The following TCEA1 variants were observed in gnomAD, a reference collection of about 807,000 sequenced individuals.
TCEA1 encodes the protein transcription elongation factor A1.
TCEA1 carries 21 observed loss-of-function variants against 43.8 expected under a neutral mutation model. The ratio of observed to expected loss-of-function variants is 0.48; its 90% confidence interval spans 0.34 to 0.69. The LOEUF (loss-of-function observed/expected upper bound fraction) is 0.69, where lower values mean the gene tolerates loss of function less well. TCEA1 is among the 30% of genes least tolerant of loss of function. TCEA1 has a pLI of 0.01. For missense variants in TCEA1, 250 were observed against 365.1 expected (o/e 0.68, Z 2.57); for synonymous variants, 104 against 117.5 (o/e 0.88, Z 0.75).
At position 53,979,124 on chromosome 8, in the gene TCEA1, T is replaced by C. The variant is rs757344506; in HGVS notation, c.726A>G (p.Lys242=). Residue 242 remains lysine, a synonymous_variant, in exon 8 of 10, where the codon AAA becomes AAG. Transcript: ENST00000521604. ...ELKEMRKNLT[K]EAIREHQMAK... ...CCATCTGATGCTCTCTGATGGCTTCTTTGGTCAAGTTTTTCCGCATCTCTT... is the reference window on the plus strand; with the variant it reads ...CCATCTGATGCTCTCTGATGGCTTCCTTGGTCAAGTTTTTCCGCATCTCTT... The C allele has an allele frequency of 1.7e-5, 28 of 1,613,752 alleles. No homozygotes were observed. The African/African-American group carries it at 3.1e-4, about 18-fold the overall frequency.
intron 8 of TCEA1, among the ~76,000 whole-genome samples, chr8:53,975,440 C>T (rs1207939105): frequency 6.6e-6 from 1 of 152,126 alleles, no homozygotes; most frequent in Non-Finnish European, 1.5e-5. Context: ...TATCTGTACA[C>T]TTAAGTTCAC....
chr8:54,021,240 A>G (rs1395514648), intron 1 of TCEA1, among the ~76,000 whole-genome samples: 1 of 152,218 alleles, frequency 6.6e-6, no homozygotes, highest in East Asian at 1.9e-4. Context: ...AGGGACTGAA[A>G]GTGCCACACA....
At chr8:53,973,331 A>C (rs1803223124) in intron 8 of TCEA1, 1 of 529,690 alleles carries the variant, frequency 1.9e-6, no homozygotes, top group Non-Finnish European at 3.5e-6. Flanking sequence ...TTGAAAGGAA[A>C]GGATAAACTG....
At chr8:53,993,389 T>C in intron 4 of TCEA1, 1 of 240,546 alleles carries the variant, frequency 4.2e-6, no homozygotes, top group Non-Finnish European at 7.8e-6. Context: ...CTACCTCCAT[T>C]ATCAATTCCA....
intron 8 of TCEA1, chr8:53,973,872 C>CTT (rs550078455): frequency 4.8e-4 from 162 of 339,654 alleles, no homozygotes; most frequent in Admixed American, 4.5e-3. Context: ...AGAACTTACT[C>CTT]AGGCAATAAA....
At chr8:54,010,203 G>A in intron 2 of TCEA1, 1 of 407,824 alleles carries the variant, frequency 2.5e-6, no homozygotes, top group Non-Finnish European at 4.3e-6. Flanking sequence ...CACTGCTACT[G>A]CCAACTTTAG....
At chr8:53,972,484 G>A (rs746498195) in intron 8 of TCEA1, 8 of 524,022 alleles carry the variant, frequency 1.5e-5, no homozygotes, top group Admixed American at 1.0e-4. Flanking sequence ...CCTGCTCCTC[G>A]TGCTGATGAC....
chr8:53,972,917 G>T (rs1803207977), intron 8 of TCEA1: 1 of 674,238 alleles, frequency 1.5e-6, no homozygotes, highest in African/African-American at 1.8e-5. Context: ...TAGCCTCAGA[G>T]GTGTATTTAA....
chr8:54,020,355 A>T (rs7463528), intron 1 of TCEA1, among the ~76,000 whole-genome samples: 8,411 of 152,264 alleles, frequency 0.055, 748 homozygotes, highest in African/African-American at 0.19. Flanking sequence ...GGCCATATCA[A>T]TGGGGAGGAA....
chr8:53,991,461 A>G (rs1803877470), intron 4 of TCEA1, among the ~76,000 whole-genome samples: 1 of 151,770 alleles, frequency 6.6e-6, no homozygotes, highest in African/African-American at 2.4e-5. Flanking sequence ...TTGGGAGGCC[A>G]AGGCGGGCGG....
intron 1 of TCEA1, among the ~76,000 whole-genome samples, chr8:54,016,220 T>C (rs971510898): frequency 6.6e-6 from 1 of 151,996 alleles, no homozygotes; most frequent in Non-Finnish European, 1.5e-5. Flanking sequence ...CTCACGCCTG[T>C]AATCCCGGCA....
rs1803619810 is a variant in TCEA1, at chr8:53,984,431, G to A, written c.610C>T (p.Pro204Ser). The A allele has an allele frequency of 6.2e-7, 1 of 1,604,042 alleles. No homozygotes were observed. Among genetic ancestry groups the A allele is most frequent in the Non-Finnish European group, 8.5e-7 (1 of 1,176,312 alleles). Residue 204 changes from proline (P) to serine (S), a missense_variant, in exon 7 of 10, where the codon CCA becomes TCA. Transcript: ENST00000521604. The part of the protein sequence containing the change: ...RISNLKDAKN[P>S]NLRKNVLCGN... ...CAGAGGACATTTTTCCTTAAATTTGGATTTTTTGCATCTTTAAGATTTGAT... is the reference window on the plus strand; with the variant it reads ...CAGAGGACATTTTTCCTTAAATTTGAATTTTTTGCATCTTTAAGATTTGAT...
chr8:53,977,911 T>C (rs190472465), intron 8 of TCEA1, among the ~76,000 whole-genome samples: 11 of 152,314 alleles, frequency 7.2e-5, no homozygotes, highest in East Asian at 3.9e-4. Context: ...TTAAATTATA[T>C]AGTCCTGCAA....
intron 4 of TCEA1, among the ~76,000 whole-genome samples, chr8:53,992,140 C>T (rs1211607824): frequency 1.3e-5 from 2 of 151,702 alleles, no homozygotes; most frequent in East Asian, 1.9e-4. Context: ...GGTGAAACCT[C>T]GTCTCTATTA....
intron 8 of TCEA1, chr8:53,972,001 ATACT>A (rs1309801972): frequency 1.9e-5 from 4 of 205,652 alleles, no homozygotes; most frequent in Non-Finnish European, 3.9e-5. Flanking sequence ...ATTATTCAAC[ATACT>A]ATCAACTCTT....
rs774735589 is a variant in TCEA1 at position 53,988,227 on chromosome 8, T to C, written c.353A>G (p.Asp118Gly). ...ATAAGTATCTCGAGCATTTGTCTCA[T>C]CCTTTCTGTTGCTTACATTGCCGCT... ...TSSGNVSNRKDETNARDTYVS... is the reference protein window; with the variant it reads ...TSSGNVSNRKGETNARDTYVS... The change falls in exon 5 of 10, where the codon GAT (aspartate) becomes GGT (glycine). Residue 118 changes from aspartate (D) to glycine (G), a missense_variant. Asp to Gly is a moderately conservative substitution (Grantham distance 94). Around this residue, in one of 4 missense-constraint regions of TCEA1, gnomAD observed 147 missense variants for 160.3 expected, o/e 0.92. Transcript: ENST00000521604. The C allele has an allele frequency of 1.1e-4, 170 of 1,613,550 alleles. No individual in the cohort carries two copies. Among genetic ancestry groups the C allele is most frequent in the Non-Finnish European group, 1.4e-4 (168 of 1,179,800 alleles).
In TCEA1 at chr8:53,979,554, T is replaced by A. The variant is rs1367471070; in HGVS notation, c.679-383A>T. Among the ~76,000 whole-genome samples the A allele has an allele frequency of 2.6e-5, 4 of 152,210 alleles. No individual in the cohort carries two copies. In the East Asian group the frequency reaches 7.7e-4, roughly 29 times the overall value. ...CCATGGAAGGAATTTAGTTTAACTT[T>A]GATGCAAAGATGGTAACAGTCCTTC... On this transcript the variant is annotated intron_variant, in intron 7 of 9. Coordinates refer to ENST00000521604, the MANE Select transcript of TCEA1 (RefSeq NM_006756.4).
At chr8:53,981,303 A>G (rs1195558142) in intron 7 of TCEA1, among the ~76,000 whole-genome samples, 1 of 152,246 alleles carries the variant, frequency 6.6e-6, no homozygotes, top group African/African-American at 2.4e-5. Context: ...GAAGAGGGTG[A>G]CATCTAGGAC....
intron 1 of TCEA1, among the ~76,000 whole-genome samples, chr8:54,012,629 G>C (rs1383093046): frequency 2.0e-5 from 3 of 152,110 alleles, no homozygotes; most frequent in Non-Finnish European, 4.4e-5. Context: ...AATCCTGCTG[G>C]GGGTATTATG....
Sources: gnomAD v4.1 joint callset for allele counts (sites outside exome capture counted in the v4.1 genomes callset) on GRCh38, gnomAD v4.1.1 for gene constraint, gnomAD v4.1.1 regional missense constraint, MANE v1.5 for transcripts, NCBI Gene and HGNC (gene_info 2026-07-23, HGNC 2026-07-21) for gene names.